Variants in ZSCAN2 observed in about 807,000 individuals in gnomAD.
ZSCAN2 encodes the protein zinc finger and SCAN domain-containing protein 2.
In ZSCAN2, 26 loss-of-function variants were observed where a neutral mutation model predicts 47.8. The observed-to-expected ratio is 0.54, with a 90% CI of 0.40 to 0.75. The LOEUF is 0.75. Among genes scored for constraint, ZSCAN2 ranks in the 30% least tolerant of loss-of-function variants. The probability of loss-of-function intolerance (pLI) is 0.00; values close to 1 mark genes in which losing one functional copy is unlikely to be tolerated. For synonymous variants in ZSCAN2, 305 were observed against 288.7 expected, an observed-to-expected ratio of 1.06 and a Z score of -0.57; for missense variants, 732 against 785.4, an observed-to-expected ratio of 0.93 and a Z score of 0.81.
At chr15:84,612,110 G>C (rs1451811475) in intron 2 of ZSCAN2, 1 of 152,266 alleles carries the variant, frequency 6.6e-6, no homozygotes, top group African/African-American at 2.4e-5. Flanking sequence ...ATAGGGGCCA[G>C]CCTTTCTCAG....
chr15:84,618,664 T>A (rs997412063), intron 2 of ZSCAN2, among the ~76,000 whole-genome samples: 2 of 151,614 alleles, frequency 1.3e-5, no homozygotes, highest in African/African-American at 4.8e-5. Context: ...TGGGTTCTAG[T>A]GATTCTCCTG....
intron 2 of ZSCAN2, 107 bp downstream of exon 2, chr15:84,604,440 T>C (rs1895314147): frequency 7.3e-7 from 1 of 1,377,846 alleles, no homozygotes; most frequent in Non-Finnish European, 9.8e-7. Context: ...AGTGGGGGGC[T>C]AGCGCCATCC....
intron 2 of ZSCAN2, chr15:84,606,977 T>C (rs1895402309): frequency 1.6e-6 from 1 of 608,142 alleles, no homozygotes. Flanking sequence ...TTGTCCAGCT[T>C]ATGACCTTTG....
At chr15:84,609,473 C>T (rs1215541957) in intron 2 of ZSCAN2, among the ~76,000 whole-genome samples, 1 of 152,086 alleles carries the variant, frequency 6.6e-6, no homozygotes, top group East Asian at 1.9e-4. Flanking sequence ...CAGGAATGAG[C>T]CACTGTGCCC....
chr15:84,608,464 C>T (rs1337997315), intron 2 of ZSCAN2, among the ~76,000 whole-genome samples: 2 of 140,218 alleles, frequency 1.4e-5, no homozygotes, highest in African/African-American at 2.7e-5. Flanking sequence ...ACCTGGGAGG[C>T]GGAGGTTGTA....
chr15:84,614,027 G>A (rs888808299), intron 2 of ZSCAN2, among the ~76,000 whole-genome samples: 4 of 113,948 alleles, frequency 3.5e-5, no homozygotes, highest in Non-Finnish European at 4.9e-5. Context: ...GTCTCACTCT[G>A]TCACCCAGGC....
At position 84,607,663 on chromosome 15, in the gene ZSCAN2, C is replaced by T. The variant is rs142765474; in HGVS notation, c.406+3330C>T. 1.8e-4 allele frequency among the ~76,000 whole-genome samples: 28 copies of T among 152,246 alleles called. No homozygotes were observed. In the East Asian group the frequency reaches 4.6e-3, roughly 25 times the overall value. On this transcript the variant is annotated intron_variant, in intron 2 of 2. Coordinates refer to ENST00000546148, the MANE Select transcript of ZSCAN2 (RefSeq NM_181877.4). ...AGCTGGGATTACAGGTGCGTGCTAC[C>T]GTGCCCAGCTAATTTTTGTATTTTT...
Position 84,621,003 on chromosome 15 carries a change from A to T in ZSCAN2, c.808A>T (p.Thr270Ser). ...TGGTTCAAATTTTAGTAGACACCAA[A>T]CCACTCACACCGGGGAGAAGCCCTA... ...SDGSNFSRHQ[T>S]THTGEKPYKC... The change falls in exon 3 of 3, where the codon ACC becomes TCC. Residue 270 changes from threonine to serine, a missense_variant. Coordinates refer to ENST00000546148, the MANE Select transcript of ZSCAN2 (RefSeq NM_181877.4). The surrounding 1 kb of genome is among the most constrained non-coding windows in gnomAD (Gnocchi z 5.7). 6.2e-7 allele frequency: 1 copy of T among 1,613,974 alleles called. No homozygotes were observed. The highest frequency in any genetic ancestry group is 8.5e-7 in the Non-Finnish European group (1 of 1,179,972).
intron 2 of ZSCAN2, among the ~76,000 whole-genome samples, chr15:84,613,361 C>T (rs1895606927): frequency 6.6e-6 from 1 of 152,286 alleles, no homozygotes; most frequent in South Asian, 2.1e-4. Context: ...CGCTCTGTTG[C>T]CCAGGCTGGA....
At chr15:84,618,561 ATT>A (rs768935304) in intron 2 of ZSCAN2, among the ~76,000 whole-genome samples, 6 of 139,620 alleles carry the variant, frequency 4.3e-5, no homozygotes, top group African/African-American at 5.2e-5. Flanking sequence ...ACAGCCATTA[ATT>A]TTTTTTTTTT....
chr15:84,606,899 TC>T, intron 2 of ZSCAN2: 1 of 1,098,476 alleles, frequency 9.1e-7, no homozygotes. Context: ...CTCACAGGAG[TC>T]CCTGCGTTTG....
At position 84,622,918 on chromosome 15, in the gene ZSCAN2, G is replaced by A. The variant is rs763363710; in HGVS notation, c.*878G>A. 3.6e-5 allele frequency: 20 copies of A among 560,376 alleles called. No individual in the cohort carries two copies. Among genetic ancestry groups the A allele is most frequent in the African/African-American group, 2.1e-4 (11 of 52,330 alleles). 34.7% of individuals were successfully genotyped at this position (560,376 alleles called of 1,614,324 possible). ...GATGGTAACTTCTGTCTCATCAAGA[G>A]TAAAACAGTCCTGCACACAGCAGGG... is the stretch of plus-strand genomic sequence containing the variant. On this transcript the variant is annotated 3_prime_UTR_variant, in exon 3 of 3. Coordinates refer to ENST00000546148, the MANE Select transcript of ZSCAN2 (RefSeq NM_181877.4).
intron 2 of ZSCAN2, chr15:84,606,806 G>T: frequency 7.7e-7 from 1 of 1,293,124 alleles, no homozygotes; most frequent in Non-Finnish European, 9.8e-7. Flanking sequence ...CAGACACATG[G>T]GTTTGTCTGT....
In ZSCAN2 at chr15:84,620,614, A is replaced by G. The variant is rs1895793391; in HGVS notation, c.419A>G (p.Gln140Arg). Residue 140 changes from glutamine to arginine, a missense_variant, in exon 3 of 3, where the codon CAG becomes CGG. By Grantham distance (43) the Gln-to-Arg change is conservative. Transcript: ENST00000546148. ...QTLQDSDFEI[Q>R]SENGENCNQD... is the part of the protein sequence containing the mutation. ...TTCATTGTTTCAGATTTTGAGATAC[A>G]GAGTGAAAATGGGGAGAACTGTAAT... 1 of 1,599,702 alleles carries G rather than the reference A, an allele frequency of 6.3e-7. No individual in the cohort carries two copies.
At chr15:84,605,233 C>G (rs1324387411) in intron 2 of ZSCAN2, among the ~76,000 whole-genome samples, 2 of 152,204 alleles carry the variant, frequency 1.3e-5, no homozygotes, top group African/African-American at 4.8e-5. Context: ...ACCGCTGTCT[C>G]CCTCCTGGTT....
chr15:84,613,352 G>T (rs766006791), intron 2 of ZSCAN2, among the ~76,000 whole-genome samples: 3 of 151,970 alleles, frequency 2.0e-5, no homozygotes, highest in Non-Finnish European at 2.9e-5. Flanking sequence ...ACGGAGTCTC[G>T]CTCTGTTGCC....
In ZSCAN2 at chr15:84,621,581, T is replaced by G; in HGVS notation, c.1386T>G (p.Ile462Met). 2 of 1,613,568 alleles carry G rather than the reference T, an allele frequency of 1.2e-6. No homozygotes were observed. Among genetic ancestry groups the G allele is most frequent in the South Asian group, 2.2e-5 (2 of 91,044 alleles). ...GKSFSQSSSL[I>M]AHQGMHTGEK... ...GCTTCAGCCAGAGCTCCAGTCTGAT[T>G]GCACACCAGGGCATGCACACAGGGG... Residue 462 changes from isoleucine to methionine, a missense_variant, in exon 3 of 3, where the codon ATT becomes ATG. Transcript: ENST00000546148. This position sits in a 1 kb window ranked among gnomAD's most constrained non-coding sequence, Gnocchi z 5.7.
At chr15:84,608,542 A>AG (rs1205700361) in intron 2 of ZSCAN2, among the ~76,000 whole-genome samples, 8 of 151,318 alleles carry the variant, frequency 5.3e-5, no homozygotes, top group Non-Finnish European at 1.0e-4. Context: ...AAAAAAAAAA[A>AG]AAAAAAAAGA....
intron 2 of ZSCAN2, among the ~76,000 whole-genome samples, chr15:84,608,544 A>AG (rs1344699393): frequency 1.3e-5 from 2 of 151,210 alleles, no homozygotes; most frequent in Non-Finnish European, 3.0e-5. Flanking sequence ...AAAAAAAAAA[A>AG]AAAAAAGAAA....
Sources: gnomAD v4.1 joint callset for allele counts (sites outside exome capture counted in the v4.1 genomes callset) on GRCh38, gnomAD v4.1.1 for gene constraint, Gnocchi (gnomAD v3.1) non-coding constraint, MANE v1.5 for transcripts, NCBI Gene and HGNC (gene_info 2026-07-23, HGNC 2026-07-21) for gene names.